The following DENND6A variants were observed in gnomAD, a reference collection of about 807,000 sequenced individuals.
DENND6A encodes the protein protein DENND6A.
In DENND6A, 43 loss-of-function variants were observed where a neutral mutation model predicts 95.5. The ratio of observed to expected loss-of-function variants is 0.45; its 90% CI spans 0.35 to 0.58. The LOEUF (loss-of-function observed/expected upper bound fraction) is 0.58. Ranked by LOEUF, DENND6A falls within the 20% of genes least tolerant of loss-of-function variation. The pLI is 0.00. For synonymous variants in DENND6A, 257 were observed against 260.4 expected, an observed-to-expected ratio of 0.99 and a Z score of 0.13; for missense variants, 574 against 736.0, an observed-to-expected ratio of 0.78 and a Z score of 2.55.
chr3:57,643,816 G>C (rs1342332714), intron 11 of DENND6A, among the ~76,000 whole-genome samples: 9 of 144,926 alleles, frequency 6.2e-5, no homozygotes, highest in Non-Finnish European at 1.2e-4. Context: ...AACAGAGCGA[G>C]ACTCTGTCTC....
rs1438626849 is a variant in DENND6A, at chr3:57,628,289, C to T, written c.1752G>A (p.Arg584=). ...PVKPDTMEKL[R]THIDAIILAL... ...CTAAGATAATGGCATCTATGTGTGT[C>T]CGTAACTTTTCCATAGTGTCAGGTT... The change falls in exon 20 of 20, where the codon CGG becomes CGA. Residue 584 remains arginine (R), a synonymous_variant. Coordinates refer to ENST00000311128, the MANE Select transcript of DENND6A (RefSeq NM_152678.3). The T allele has an allele frequency of 1.9e-6, 3 of 1,614,000 alleles. No individual in the cohort carries two copies. The African/African-American group carries it at 4.0e-5, about 22-fold the overall frequency.
At chr3:57,672,676 G>A (rs141518792) in intron 1 of DENND6A, among the ~76,000 whole-genome samples, 254 of 152,052 alleles carry the variant, frequency 1.7e-3, no homozygotes, top group African/African-American at 6.0e-3. Flanking sequence ...CCACCTACTC[G>A]GGAGGCTGAG....
intron 11 of DENND6A, among the ~76,000 whole-genome samples, chr3:57,644,777 A>G (rs1404811702): frequency 3.5e-4 from 1 of 2,892 alleles, no homozygotes. Context: ...TGAGGAGGGG[A>G]GGGGAGGGGT....
At chr3:57,665,871 G>A in intron 4 of DENND6A, 1 of 347,028 alleles carries the variant, frequency 2.9e-6, no homozygotes, top group East Asian at 5.3e-5. Context: ...ACAAATGAAA[G>A]AAAATTACCT....
At chr3:57,638,962 G>A (rs1403829166) in intron 12 of DENND6A, among the ~76,000 whole-genome samples, 1 of 152,156 alleles carries the variant, frequency 6.6e-6, no homozygotes, top group East Asian at 1.9e-4. Flanking sequence ...GCCAGGCGTG[G>A]TGGCGTGCAC....
At chr3:57,680,131 T>C (rs2077149906) in intron 1 of DENND6A, among the ~76,000 whole-genome samples, 2 of 152,178 alleles carry the variant, frequency 1.3e-5, no homozygotes, top group South Asian at 2.1e-4. Context: ...TCACAGCATA[T>C]ACAATAGTCA....
At chr3:57,632,097 G>A (rs1250938643) in intron 15 of DENND6A, among the ~76,000 whole-genome samples, 2 of 145,440 alleles carry the variant, frequency 1.4e-5, no homozygotes, top group African/African-American at 5.1e-5. Context: ...TCAGCTCACT[G>A]CAACCTCCGC....
Position 57,633,256 on chromosome 3 carries a change from TTAAC to T in DENND6A, c.1353+5_1353+8del. 1 of 1,604,520 alleles carries T rather than the reference TTAAC, an allele frequency of 6.2e-7. No individual in the cohort carries two copies. Among genetic ancestry groups the T allele is most frequent in the Non-Finnish European group, 8.5e-7 (1 of 1,173,132 alleles). On this transcript the variant is annotated splice_donor_5th_base_variant and intron_variant, in intron 15 of 19. Transcript: ENST00000311128. ...ATTAAATTATGCAAAAATTTATTTA[TTAAC>T]TTACTAATGGAATGATGAAACTTTG...
intron 2 of DENND6A, 37 bp from the exon 3 acceptor site, chr3:57,672,335 T>C: frequency 1.2e-6 from 2 of 1,610,294 alleles, no homozygotes; most frequent in Non-Finnish European, 1.7e-6. Flanking sequence ...TGCTGACACA[T>C]ACATAATCAA....
rs2071409284 is a variant in DENND6A, at chr3:57,660,780, T to C, written c.679A>G (p.Ile227Val). The stretch of plus-strand genomic sequence containing the variant: ...ATTACCTTCATTACCACCCCCATGA[T>C]TGGCAGGTGTAATGTTTTCCCTGGC... ...PVPGKTLHLP[I>V]MGVVMKVRIP... Residue 227 changes from isoleucine to valine, a missense_variant, in exon 7 of 20, where the codon ATC becomes GTC. This residue lies in a region of DENND6A where 452 missense variants were observed against 630.9 expected (regional missense o/e 0.72). Coordinates refer to ENST00000311128, the MANE Select transcript of DENND6A (RefSeq NM_152678.3). 2 of 1,609,180 alleles carry C rather than the reference T, an allele frequency of 1.2e-6. No homozygotes were observed. The highest frequency in any genetic ancestry group is 1.7e-6 in the Non-Finnish European group (2 of 1,177,798).
Position 57,630,760 on chromosome 3 carries a change from G to T in DENND6A, c.1472C>A (p.Pro491His). The change falls in exon 17 of 20, where the codon CCT becomes CAT. Residue 491 changes from proline to histidine, a missense_variant. Coordinates refer to ENST00000311128, the MANE Select transcript of DENND6A (RefSeq NM_152678.3). ...EFMKTLEKTG[P>H]QLTSRIKGDW... ...GCCTTTTATTCTAGAGGTTAGCTGA[G>T]GTCCTGTTTTCTCAAGTGTTTTCAT... 1.2e-6 allele frequency: 2 copies of T among 1,614,028 alleles called. No homozygotes were observed. Among genetic ancestry groups the T allele is most frequent in the Non-Finnish European group, 1.7e-6 (2 of 1,179,998 alleles).
At chr3:57,650,313 A>G (rs746245534) in intron 9 of DENND6A, among the ~76,000 whole-genome samples, 2 of 152,060 alleles carry the variant, frequency 1.3e-5, no homozygotes, top group Non-Finnish European at 2.9e-5. Context: ...CCTAAAAAAA[A>G]AAAAGTTGCA....
At chr3:57,635,812 G>A (rs2070779632) in intron 12 of DENND6A, among the ~76,000 whole-genome samples, 1 of 152,056 alleles carries the variant, frequency 6.6e-6, no homozygotes, top group Non-Finnish European at 1.5e-5. Flanking sequence ...GGTTTAAACT[G>A]TGCATATTCA....
chr3:57,691,822 T>C (rs2077268321), intron 1 of DENND6A, among the ~76,000 whole-genome samples: 1 of 151,848 alleles, frequency 6.6e-6, no homozygotes. Context: ...AGCCTTTCGG[T>C]AAGGGGCCAT....
chr3:57,661,592 T>C, intron 5 of DENND6A, 41 bp from the exon 6 acceptor site: 1 of 1,467,472 alleles, frequency 6.8e-7, no homozygotes, highest in East Asian at 2.4e-5. Context: ...AATTGCTTTG[T>C]CATTCATTTC....
In DENND6A at chr3:57,692,883, C is replaced by A; in HGVS notation, c.136G>T (p.Asp46Tyr). ...CGCAGCAGGCCCCGGCCACGGCCAT[C>A]GTCCTCTTCATCGTCCTCTGGCGCG... Reference protein sequence around the residue: ...GGAPEDDEEDDGRGRGLLRWD... With the variant: ...GGAPEDDEEDYGRGRGLLRWD... The change falls in exon 1 of 20, where the codon GAT becomes TAT. Residue 46 changes from aspartate (D) to tyrosine (Y), a missense_variant. Asp to Tyr is a radical substitution (Grantham distance 160). Transcript: ENST00000311128. 6.3e-7 allele frequency: 1 copy of A among 1,584,380 alleles called. No homozygotes were observed.
At chr3:57,678,886 T>C (rs1407641601) in intron 1 of DENND6A, among the ~76,000 whole-genome samples, 2 of 152,234 alleles carry the variant, frequency 1.3e-5, no homozygotes, top group Non-Finnish European at 2.9e-5. Context: ...GGCAGGTAGA[T>C]TACTTGAGGC....
chr3:57,679,794 T>G lies in DENND6A; in HGVS notation c.238-7356A>C, dbSNP rs148439143. On this transcript the variant is annotated intron_variant, in intron 1 of 19. Transcript: ENST00000311128. ...CTACATTAAAGAAGCTGCTGGAGAA[T>G]TTTTAACCTTGAATGAGTCAAAAAT... 4.1e-3 allele frequency among the ~76,000 whole-genome samples: 631 copies of G among 152,250 alleles called. 5 individuals are homozygous for G. The highest frequency in any genetic ancestry group is 0.015 in the African/African-American group (612 of 41,534).
At chr3:57,691,669 C>CAAAAAAAAAAAAAAAAAAAAAAAAA (rs71091304) in intron 1 of DENND6A, among the ~76,000 whole-genome samples, 1 of 93,596 alleles carries the variant, frequency 1.1e-5, no homozygotes. Flanking sequence ...TCACCAATAC[C>CAAAAAAAAAAAAAAAAAAAAAAAAA]AAAAAAAAAA....
Sources: allele counts gnomAD v4.1 joint callset (sites outside exome capture counted in the v4.1 genomes callset), GRCh38; gene constraint gnomAD v4.1.1; regional missense constraint gnomAD v4.1.1; transcripts MANE v1.5; gene names NCBI Gene and HGNC (gene_info 2026-07-23, HGNC 2026-07-21).